Variants in SKI observed in about 807,000 individuals in gnomAD.
The protein encoded by SKI is SKI proto-oncogene.
A neutral mutation model predicts 59.3 loss-of-function variants in SKI; 23 were observed. That is an observed-to-expected ratio of 0.39 (90% CI 0.28 to 0.55). The LOEUF (loss-of-function observed/expected upper bound fraction) is 0.55. Ranked by LOEUF, SKI falls within the 20% of genes least tolerant of loss-of-function variation. The pLI is 0.67. For synonymous variants in SKI, 673 were observed against 488.6 expected, an observed-to-expected ratio of 1.38 and a Z score of -4.98; for missense variants, 1,017 against 1,038.9, an observed-to-expected ratio of 0.98 and a Z score of 0.29.
At chr1:2,260,348 A>G (rs963963473) in intron 1 of SKI, among the ~76,000 whole-genome samples, 1 of 152,024 alleles carries the variant, frequency 6.6e-6, no homozygotes, top group African/African-American at 2.4e-5. Context: ...CAGTTATTTT[A>G]GACTGGGTTT....
chr1:2,260,213 G>A (rs2100836949), intron 1 of SKI, among the ~76,000 whole-genome samples: 2 of 152,340 alleles, frequency 1.3e-5, no homozygotes, highest in South Asian at 4.1e-4. Context: ...CCTGATGGGT[G>A]TGCGGCGGCA....
intron 1 of SKI, among the ~76,000 whole-genome samples, chr1:2,292,869 CT>C (rs1173931994): frequency 3.3e-5 from 5 of 152,208 alleles, no homozygotes; most frequent in African/African-American, 7.2e-5. Context: ...GAAGCAACGC[CT>C]GTCCCTGGCG....
intron 1 of SKI, among the ~76,000 whole-genome samples, chr1:2,280,156 T>C (rs923381995): frequency 2.0e-5 from 3 of 150,988 alleles, no homozygotes; most frequent in South Asian, 4.2e-4. Flanking sequence ...GCTAATGAGG[T>C]CAGGAGTTAA....
rs1214254327 is a variant in SKI at position 2,270,676 on chromosome 1, C to T, written c.970-32302C>T. ...GTGAAAAGTTCAGGCTGTCCCTGCT[C>T]TCCAGAGGGGCTGGAGGTGGGGCGG... On this transcript the variant is annotated intron_variant, in intron 1 of 6. Coordinates refer to ENST00000378536, the MANE Select transcript of SKI (RefSeq NM_003036.4). This position sits in a 1 kb window ranked among gnomAD's most constrained non-coding sequence, Gnocchi z 4.1. 6.6e-6 allele frequency among the ~76,000 whole-genome samples: 1 copy of T among 152,082 alleles called. No homozygotes were observed. Among genetic ancestry groups the T allele is most frequent in the Non-Finnish European group, 1.5e-5 (1 of 67,896 alleles).
intron 1 of SKI, among the ~76,000 whole-genome samples, chr1:2,234,560 C>T (rs1168803015): frequency 1.3e-5 from 2 of 152,168 alleles, no homozygotes; most frequent in African/African-American, 4.8e-5. Context: ...GTTGTGGGGC[C>T]ACAGCCCCAG....
intron 1 of SKI, among the ~76,000 whole-genome samples, chr1:2,277,742 C>G (rs1639775351): frequency 6.6e-6 from 1 of 150,586 alleles, no homozygotes; most frequent in African/African-American, 2.5e-5. Flanking sequence ...CACACCTGCA[C>G]TCACACATTC....
At chr1:2,235,047 T>TA (rs1285711287) in intron 1 of SKI, among the ~76,000 whole-genome samples, 7 of 146,736 alleles carry the variant, frequency 4.8e-5, no homozygotes, top group Non-Finnish European at 7.6e-5. Context: ...TTGTTGTTAT[T>TA]TTTTTTTTTT....
chr1:2,273,119 G>A (rs565081159), intron 1 of SKI, among the ~76,000 whole-genome samples: 5 of 152,336 alleles, frequency 3.3e-5, no homozygotes, highest in African/African-American at 4.8e-5. Context: ...CCTTCATCTC[G>A]GGAACAGACC....
In SKI at chr1:2,246,207, G is replaced by A. The variant is rs180979395; in HGVS notation, c.969+16472G>A. ...TTGCATCCTCTCCAGCACTTGTTCT[G>A]TTTTTTGACAGCGGCCATCCTAATG... On this transcript the variant is annotated intron_variant, in intron 1 of 6. Coordinates refer to ENST00000378536, the MANE Select transcript of SKI (RefSeq NM_003036.4). Among the ~76,000 whole-genome samples the A allele has an allele frequency of 1.8e-3, 276 of 152,280 alleles. 3 individuals are homozygous for A. The highest frequency in any genetic ancestry group is 3.4e-3 in the Middle Eastern group (1 of 294).
intron 1 of SKI, among the ~76,000 whole-genome samples, chr1:2,285,975 G>A (rs575276606): frequency 2.0e-3 from 286 of 145,614 alleles, no homozygotes; most frequent in Middle Eastern, 3.5e-3. Flanking sequence ...CCCGGTTCAC[G>A]CCATTCTCCT....
intron 1 of SKI, among the ~76,000 whole-genome samples, chr1:2,260,557 T>TTTTTG (rs1449350333): frequency 1.4e-5 from 2 of 142,068 alleles, no homozygotes; most frequent in Non-Finnish European, 3.1e-5. Context: ...TTTTTTTTTT[T>TTTTTG]TGAGACAGGG....
At chr1:2,304,656 G>GC (rs1640523015) in intron 5 of SKI, 71 bp downstream of exon 5, 8 of 1,479,282 alleles carry the variant, frequency 5.4e-6, no homozygotes, top group Non-Finnish European at 7.2e-6. Flanking sequence ...AGGTGAACGG[G>GC]CACAGGTGGT....
Position 2,229,787 on chromosome 1 carries a change from C to T in SKI, c.969+52C>T. 1.9e-6 allele frequency: 3 copies of T among 1,549,342 alleles called. No homozygotes were observed. The highest frequency in any genetic ancestry group is 2.4e-5 in the East Asian group (1 of 40,906). Reference sequence around the variant, plus strand: ...GGGAGGATGCGCTTGGGGTGGGGGCCCCTTCTGGACTACAGGCTCTGGTCT... The same window carrying T: ...GGGAGGATGCGCTTGGGGTGGGGGCTCCTTCTGGACTACAGGCTCTGGTCT... On this transcript the variant is annotated intron_variant, in intron 1 of 6. Transcript: ENST00000378536. The surrounding 1 kb of genome is among the most constrained non-coding windows in gnomAD (Gnocchi z 6.3).
chr1:2,228,502 G>A lies in SKI; in HGVS notation c.-265G>A, dbSNP rs1467054866. Among the ~76,000 whole-genome samples, 21 of 143,132 alleles carry A rather than the reference G, an allele frequency of 1.5e-4. No homozygotes were observed. In the South Asian group the frequency reaches 4.5e-3, roughly 31 times the overall value. 93.9% of individuals were successfully genotyped at this position (143,132 alleles called of 152,430 possible). On this transcript the variant is annotated 5_prime_UTR_variant, in exon 1 of 7. Transcript: ENST00000378536. Reference sequence around the variant, plus strand: ...CGCGCGGGGGACGCGCGGGGGGCCCGGGCGGCGGCGGGCGCGGCGCGGGGC... The same window carrying A: ...CGCGCGGGGGACGCGCGGGGGGCCCAGGCGGCGGCGGGCGCGGCGCGGGGC...
At position 2,229,750 on chromosome 1, in the gene SKI, G is replaced by T; in HGVS notation, c.969+15G>T. 1 of 1,552,942 alleles carries T rather than the reference G, an allele frequency of 6.4e-7. No individual in the cohort carries two copies. Among genetic ancestry groups the T allele is most frequent in the East Asian group, 2.4e-5 (1 of 41,046 alleles). ...GGGTGCCCCGGGTGAGTGGCCCCAGGCCTGGGAGCTGGGGAGGATGCGCTT... is the reference window on the plus strand; with the variant it reads ...GGGTGCCCCGGGTGAGTGGCCCCAGTCCTGGGAGCTGGGGAGGATGCGCTT... On this transcript the variant is annotated intron_variant, in intron 1 of 6. Coordinates refer to ENST00000378536, the MANE Select transcript of SKI (RefSeq NM_003036.4). The surrounding 1 kb of genome is among the most constrained non-coding windows in gnomAD (Gnocchi z 6.3).
In SKI at chr1:2,233,923, C is replaced by G. The variant is rs552725277; in HGVS notation, c.969+4188C>G. Among the ~76,000 whole-genome samples the G allele has an allele frequency of 3.9e-5, 6 of 152,322 alleles. No individual in the cohort carries two copies. The South Asian group carries it at 1.0e-3, about 26-fold the overall frequency. ...TTTGGGGCTGTGCTCTCCCAGACAC[C>G]CTCAGGTCCGGGGAGCACTTCGGGG... is the stretch of plus-strand genomic sequence containing the variant. On this transcript the variant is annotated intron_variant, in intron 1 of 6. Coordinates refer to ENST00000378536, the MANE Select transcript of SKI (RefSeq NM_003036.4).
chr1:2,237,641 G>A (rs978042331), intron 1 of SKI, among the ~76,000 whole-genome samples: 4 of 152,222 alleles, frequency 2.6e-5, no homozygotes, highest in African/African-American at 4.8e-5. Context: ...TTTCTCTGCC[G>A]GGAAAGTAAC....
intron 1 of SKI, among the ~76,000 whole-genome samples, chr1:2,265,837 G>GCA (rs1306835160): frequency 6.6e-6 from 1 of 151,948 alleles, no homozygotes; most frequent in Non-Finnish European, 1.5e-5. Context: ...GCGTGGTGGT[G>GCA]CACACCTGTA....
At chr1:2,286,694 GCT>G (rs1450101397) in intron 1 of SKI, among the ~76,000 whole-genome samples, 2 of 152,212 alleles carry the variant, frequency 1.3e-5, no homozygotes, top group Non-Finnish European at 2.9e-5. Context: ...CGCAGCTCTC[GCT>G]CTGAGTGAGG....
Sources: allele counts gnomAD v4.1 joint callset (sites outside exome capture counted in the v4.1 genomes callset), GRCh38; gene constraint gnomAD v4.1.1; non-coding constraint Gnocchi (gnomAD v3.1); transcripts MANE v1.5; gene names NCBI Gene and HGNC (gene_info 2026-07-23, HGNC 2026-07-21).